PLXNA4: variants seen among roughly 807,000 people sequenced by gnomAD.
PLXNA4 encodes plexin A4.
A neutral mutation model predicts 191.8 loss-of-function variants in PLXNA4; 44 were observed. That is an observed-to-expected ratio of 0.23 (90% CI 0.18 to 0.29). The LOEUF (loss-of-function observed/expected upper bound fraction) is 0.29, where lower values mean the gene tolerates loss of function less well. Ranked by LOEUF, PLXNA4 falls within the 10% of genes least tolerant of loss-of-function variation. PLXNA4 has a pLI of 1.00. For synonymous variants in PLXNA4, 1,082 were observed against 1,009.5 expected (o/e 1.07, Z -1.36); for missense variants, 1,800 against 2,488.8 (o/e 0.72, Z 5.89).
Position 132,506,103 on chromosome 7 carries a change from C to G in PLXNA4, c.1188+1403G>C, listed in dbSNP as rs148028666. Reference sequence around the variant, plus strand: ...CAAGACCTCCAAGAAGAGACGACATCTCTTAGTTTCAGCTGGCCCAGTGCC... The same window carrying G: ...CAAGACCTCCAAGAAGAGACGACATGTCTTAGTTTCAGCTGGCCCAGTGCC... On this transcript the variant is annotated intron_variant, in intron 2 of 31. Coordinates refer to ENST00000321063, the MANE Select transcript of PLXNA4 (RefSeq NM_020911.2). 7.2e-3 allele frequency among the ~76,000 whole-genome samples: 1,097 copies of G among 152,204 alleles called. 25 individuals carry two copies. Among genetic ancestry groups the G allele is most frequent in the African/African-American group, 0.025 (1,043 of 41,522 alleles).
In PLXNA4 at chr7:132,181,501, G is replaced by A. The variant is rs560102032; in HGVS notation, c.3372C>T (p.Asn1124=). The change falls in exon 18 of 32, where the codon AAC becomes AAT. Residue 1124 remains asparagine (N), a synonymous_variant. Transcript: ENST00000321063. ...RPEEFGFILD[N]VQSLLILNKT... ...TGTTGAGGATGAGCAGGGACTGGAC[G>A]TTGTCCAGGATGAAGCCAAACTCCT... The A allele has an allele frequency of 1.5e-4, 236 of 1,614,170 alleles. No individual in the cohort carries two copies. In the South Asian group the frequency reaches 1.7e-3, roughly 12 times the overall value.
In PLXNA4 at chr7:132,393,827, C is replaced by T. The variant is rs35372210; in HGVS notation, c.1371+95465G>A. On this transcript the variant is annotated intron_variant, in intron 3 of 31. Transcript: ENST00000321063. ...AGCAGAGCGGGGCGGCACCAGGACA[C>T]TAAGCCATCTTCAGACCATGGCAGC... Among the ~76,000 whole-genome samples the T allele has an allele frequency of 5.9e-5, 9 of 152,296 alleles. No individual in the cohort carries two copies. In the East Asian group the frequency reaches 1.7e-3, roughly 29 times the overall value.
At chr7:132,211,871 C>T (rs1286047881) in intron 9 of PLXNA4, among the ~76,000 whole-genome samples, 1 of 152,146 alleles carries the variant, frequency 6.6e-6, no homozygotes, top group Non-Finnish European at 1.5e-5. Context: ...AATCACTGGG[C>T]CCCTTTTTCC....
chr7:132,637,607 C>G (rs543047725), intron 2 of PLXNA4, among the ~76,000 whole-genome samples: 1 of 152,356 alleles, frequency 6.6e-6, no homozygotes, highest in East Asian at 1.9e-4. Context: ...AGAAGCCATG[C>G]TTGTCTTCCA....
At chr7:132,357,463 A>G (rs537880306) in intron 3 of PLXNA4, among the ~76,000 whole-genome samples, 4 of 152,312 alleles carry the variant, frequency 2.6e-5, no homozygotes, top group Non-Finnish European at 4.4e-5. Context: ...GAGAGTATCA[A>G]TTCATTTGTT....
chr7:132,320,845 G>T (rs1404576103), intron 3 of PLXNA4, among the ~76,000 whole-genome samples: 2 of 152,182 alleles, frequency 1.3e-5, no homozygotes, highest in Non-Finnish European at 2.9e-5. Flanking sequence ...CAGGGCTGAA[G>T]CCAGCAATCT....
chr7:132,586,107 G>A (rs1410075320), intron 2 of PLXNA4, among the ~76,000 whole-genome samples: 3 of 152,156 alleles, frequency 2.0e-5, no homozygotes, highest in Non-Finnish European at 4.4e-5. Context: ...TGAATTAATT[G>A]ACTCAATGGT....
intron 3 of PLXNA4, among the ~76,000 whole-genome samples, chr7:132,394,602 T>G (rs1045535423): frequency 6.6e-6 from 1 of 152,236 alleles, no homozygotes; most frequent in East Asian, 1.9e-4. Flanking sequence ...TGATGTTGGG[T>G]AAATTCCTTC....
chr7:132,504,364 T>G (rs1798373713), intron 2 of PLXNA4, among the ~76,000 whole-genome samples: 1 of 152,214 alleles, frequency 6.6e-6, no homozygotes, highest in Non-Finnish European at 1.5e-5. Flanking sequence ...TGCTGGGACC[T>G]TGTGAAGGAG....
chr7:132,421,404 C>T (rs1047169169), intron 3 of PLXNA4, among the ~76,000 whole-genome samples: 4 of 152,172 alleles, frequency 2.6e-5, no homozygotes, highest in Non-Finnish European at 4.4e-5. Context: ...CCCAACAATA[C>T]CAAGGATGGA....
chr7:132,325,835 A>C (rs1802336519), intron 3 of PLXNA4, among the ~76,000 whole-genome samples: 1 of 152,174 alleles, frequency 6.6e-6, no homozygotes, highest in Non-Finnish European at 1.5e-5. Context: ...CACTCTTGGC[A>C]CTACAGGGAG....
rs191851074 is a variant in PLXNA4, at chr7:132,634,028, C to T, written c.-87+11900G>A. Among the ~76,000 whole-genome samples, 3 of 151,912 alleles carry T rather than the reference C, an allele frequency of 2.0e-5. No homozygotes were observed. The East Asian group carries it at 5.9e-4, about 30-fold the overall frequency. On this transcript the variant is annotated intron_variant, in intron 2 of 4. Coordinates refer to the PLXNA4 transcript ENST00000378539. ...CCTGACAGCAATAACTTAAACATAC[C>T]CTGAGACTGGCCCTGTGGTCTAAGA...
At chr7:132,557,575 C>T (rs566464378) in intron 1 of PLXNA4, among the ~76,000 whole-genome samples, 8 of 151,226 alleles carry the variant, frequency 5.3e-5, no homozygotes, top group Admixed American at 2.0e-4. Flanking sequence ...TTCACCTTTG[C>T]AAAACCTTTG....
At chr7:132,203,236 G>T in intron 11 of PLXNA4, 87 bp downstream of exon 11, 1 of 1,233,948 alleles carries the variant, frequency 8.1e-7, no homozygotes, top group South Asian at 1.3e-5. Flanking sequence ...GGGGCAGAAT[G>T]ACTCCCGCGA....
intron 3 of PLXNA4, among the ~76,000 whole-genome samples, chr7:132,430,135 C>G (rs1050584375): frequency 3.3e-5 from 5 of 152,206 alleles, no homozygotes; most frequent in African/African-American, 1.2e-4. Flanking sequence ...CCTACTGCCT[C>G]TCCGTTTAGC....
intron 3 of PLXNA4, among the ~76,000 whole-genome samples, chr7:132,365,364 T>TGCGTGCGCGC (rs144384812): frequency 0.26 from 37,539 of 146,796 alleles, 5,941 homozygotes; most frequent in African/African-American, 0.4. Context: ...TGTGTGTGCG[T>TGCGTGCGCGC]GCGCGCGCAT....
At chr7:132,535,515 G>A (rs1799797831) in intron 1 of PLXNA4, among the ~76,000 whole-genome samples, 1 of 152,066 alleles carries the variant, frequency 6.6e-6, no homozygotes. Flanking sequence ...CATATCAGCT[G>A]CAGAGTTGGG....
intron 1 of PLXNA4, among the ~76,000 whole-genome samples, chr7:132,515,448 A>G (rs1270682092): frequency 6.6e-6 from 1 of 152,168 alleles, no homozygotes; most frequent in Admixed American, 6.5e-5. Flanking sequence ...TGATGTAAGG[A>G]TCCTAACCTA....
At chr7:132,560,871 G>A (rs75736168) in intron 1 of PLXNA4, among the ~76,000 whole-genome samples, 1 of 152,200 alleles carries the variant, frequency 6.6e-6, no homozygotes, top group East Asian at 1.9e-4. Flanking sequence ...GCACTTCTCA[G>A]ATCAGCCCCT....
Sources: allele counts gnomAD v4.1 joint callset (sites outside exome capture counted in the v4.1 genomes callset), GRCh38; gene constraint gnomAD v4.1.1; transcripts MANE v1.5; gene names NCBI Gene and HGNC (gene_info 2026-07-23, HGNC 2026-07-21).